The following MGRN1 variants were observed in gnomAD, a reference collection of about 807,000 sequenced individuals.
MGRN1 encodes the protein E3 ubiquitin-protein ligase MGRN1.
A neutral mutation model predicts 69.2 loss-of-function variants in MGRN1; 29 were observed. The observed-to-expected ratio is 0.42, with a 90% CI of 0.31 to 0.57. The LOEUF (loss-of-function observed/expected upper bound fraction) is 0.57. Among genes scored for constraint, MGRN1 ranks in the 20% least tolerant of loss-of-function variants. The probability of loss-of-function intolerance (pLI) is 0.15; values close to 1 mark genes in which losing one functional copy is unlikely to be tolerated. For synonymous variants in MGRN1, 470 were observed against 344.2 expected (o/e 1.37, Z -4.04); for missense variants, 998 against 796.2 (o/e 1.25, Z -3.05).
At chr16:4,660,658 C>T (rs1316087853) in intron 5 of MGRN1, among the ~76,000 whole-genome samples, 2 of 152,236 alleles carry the variant, frequency 1.3e-5, no homozygotes, top group East Asian at 1.9e-4. Context: ...TTGGCTCCAT[C>T]ACCTAAAGGA....
intron 1 of MGRN1, among the ~76,000 whole-genome samples, chr16:4,628,095 AAAG>A (rs1897785799): frequency 1.4e-5 from 2 of 144,188 alleles, no homozygotes; most frequent in South Asian, 2.2e-4. Context: ...AAAAAAAAAA[AAAG>A]AATTGTGGGT....
chr16:4,677,836 C>CT (rs747139466), intron 11 of MGRN1, among the ~76,000 whole-genome samples: 7,874 of 111,888 alleles, frequency 0.07, 396 homozygotes, highest in Admixed American at 0.14. Context: ...GAGCCAGGTG[C>CT]TTTTTTTTTT....
chr16:4,669,430 T>TAAAAAAAAAAAA (rs1596304464), intron 8 of MGRN1, among the ~76,000 whole-genome samples: 4 of 44,682 alleles, frequency 9.0e-5, no homozygotes, highest in African/African-American at 1.7e-4. Context: ...GAAGACTGTG[T>TAAAAAAAAAAAA]CAAAAAAAAA....
intron 1 of MGRN1, among the ~76,000 whole-genome samples, chr16:4,648,170 G>A (rs911595746): frequency 1.3e-5 from 2 of 152,198 alleles, no homozygotes; most frequent in Admixed American, 1.3e-4. Context: ...TGAGGTTGAG[G>A]ACCATGTATT....
chr16:4,671,408 C>T lies in MGRN1; in HGVS notation c.744C>T (p.Tyr248=), dbSNP rs1346614672. Residue 248 remains tyrosine (Y), a synonymous_variant, in exon 9 of 17, where the codon TAC becomes TAT. Coordinates refer to ENST00000262370, the MANE Select transcript of MGRN1 (RefSeq NM_015246.4). ...CTCTCCAGGTGGACCGGGTCAGCTACCTCCTGCAGGAGATCTATGGCATTG... is the reference window on the plus strand; with the variant it reads ...CTCTCCAGGTGGACCGGGTCAGCTATCTCCTGCAGGAGATCTATGGCATTG... ...KQKQIVDRVS[Y]LLQEIYGIEN... 6.2e-7 allele frequency: 1 copy of T among 1,614,058 alleles called. No individual in the cohort carries two copies. Among genetic ancestry groups the T allele is most frequent in the East Asian group, 2.2e-5 (1 of 44,872 alleles).
At position 4,657,444 on chromosome 16, in the gene MGRN1, C is replaced by T. The variant is rs1051291022; in HGVS notation, c.561+81C>T. 4.4e-6 allele frequency: 6 copies of T among 1,360,606 alleles called. No homozygotes were observed. In the Admixed American group the frequency reaches 8.5e-5, roughly 19 times the overall value. 84.3% of individuals were successfully genotyped at this position (1,360,606 alleles called of 1,614,324 possible). ...GGGGGTGGGGCCAGCACAGTGGGGT[C>T]TGTGTGTTTGGCTTCCTCCAGGGTT... On this transcript the variant is annotated intron_variant, in intron 5 of 16. Transcript: ENST00000262370.
At position 4,677,466 on chromosome 16, in the gene MGRN1, T is replaced by C; in HGVS notation, c.959T>C (p.Phe320Ser). The C allele has an allele frequency of 6.4e-7, 1 of 1,554,808 alleles. No individual in the cohort carries two copies. Among genetic ancestry groups the C allele is most frequent in the Non-Finnish European group, 8.7e-7 (1 of 1,153,326 alleles). The change falls in exon 11 of 17, where the codon TTC becomes TCC. Residue 320 changes from phenylalanine to serine, a missense_variant. Phe to Ser is a radical substitution (Grantham distance 155). Coordinates refer to ENST00000262370, the MANE Select transcript of MGRN1 (RefSeq NM_015246.4). Reference protein sequence around the residue: ...ANNCPICRLPFRALLQIRAVR... With the variant: ...ANNCPICRLPSRALLQIRAVR... Reference sequence around the variant, plus strand: ...CTGAGCCCTCCTTCTGCCGCAGCTTTCCGGGCCCTCCTGCAGATCCGGGCG... The same window carrying C: ...CTGAGCCCTCCTTCTGCCGCAGCTTCCCGGGCCCTCCTGCAGATCCGGGCG...
At chr16:4,661,328 G>A (rs2078675821) in intron 5 of MGRN1, among the ~76,000 whole-genome samples, 1 of 152,188 alleles carries the variant, frequency 6.6e-6, no homozygotes, top group South Asian at 2.1e-4. Context: ...CAAAGCCGTG[G>A]CCCAGGATTG....
chr16:4,637,804 G>A (rs951035681), intron 1 of MGRN1, among the ~76,000 whole-genome samples: 1 of 152,236 alleles, frequency 6.6e-6, no homozygotes, highest in African/African-American at 2.4e-5. Context: ...GGGAGAATTC[G>A]GATGGCCCAG....
At chr16:4,641,328 G>T (rs923864613) in intron 1 of MGRN1, among the ~76,000 whole-genome samples, 1 of 151,722 alleles carries the variant, frequency 6.6e-6, no homozygotes, top group Non-Finnish European at 1.5e-5. Context: ...GGATACCCAT[G>T]TGTGAGCAAT....
In MGRN1 at chr16:4,625,169, C is replaced by A; in HGVS notation, c.88+121C>A. 1.1e-5 allele frequency: 10 copies of A among 950,136 alleles called. 1 individual carries two copies. The highest frequency in any genetic ancestry group is 8.6e-6 in the Non-Finnish European group (6 of 695,396). 58.9% of individuals were successfully genotyped at this position (950,136 alleles called of 1,614,324 possible). ...CGGCCCCCTCCGGGCCTCGTTGCTACCCCGAGCCTTCGCGCGGCCCCACGG... is the reference window on the plus strand; with the variant it reads ...CGGCCCCCTCCGGGCCTCGTTGCTAACCCGAGCCTTCGCGCGGCCCCACGG... On this transcript the variant is annotated intron_variant, in intron 1 of 16. Coordinates refer to ENST00000262370, the MANE Select transcript of MGRN1 (RefSeq NM_015246.4).
intron 1 of MGRN1, among the ~76,000 whole-genome samples, chr16:4,648,405 C>T (rs1220527998): frequency 2.3e-5 from 3 of 130,170 alleles, no homozygotes; most frequent in Non-Finnish European, 4.8e-5. Context: ...CACCCGGGTC[C>T]TCCTCCCGGG....
chr16:4,625,431 T>A (rs1377178523), intron 1 of MGRN1, among the ~76,000 whole-genome samples: 1 of 152,212 alleles, frequency 6.6e-6, no homozygotes, highest in Non-Finnish European at 1.5e-5. Context: ...CAGATTGACC[T>A]CACCGCGGGG....
intron 1 of MGRN1, among the ~76,000 whole-genome samples, chr16:4,631,661 G>A (rs567792977): frequency 6.6e-6 from 1 of 152,310 alleles, no homozygotes; most frequent in African/African-American, 2.4e-5. Flanking sequence ...AAATCAGGTA[G>A]CATAAGTTCT....
chr16:4,666,687 C>G (rs568426704), intron 7 of MGRN1, among the ~76,000 whole-genome samples: 1 of 152,234 alleles, frequency 6.6e-6, no homozygotes, highest in African/African-American at 2.4e-5. Context: ...ACCCCCAGTC[C>G]TGCTGCTCCT....
intron 7 of MGRN1, among the ~76,000 whole-genome samples, chr16:4,667,739 C>T (rs1567215105): frequency 2.0e-5 from 3 of 152,170 alleles, no homozygotes; most frequent in African/African-American, 7.2e-5. Context: ...GGTGTGTTTC[C>T]CTGGATACCG....
intron 16 of MGRN1, chr16:4,686,565 C>T (rs1327035582): frequency 1.1e-5 from 14 of 1,326,064 alleles, no homozygotes; most frequent in Non-Finnish European, 1.2e-5. Flanking sequence ...GGCTCTTCTT[C>T]CAGCCTTGAG....
chr16:4,681,226 C>A (rs2079175243), intron 12 of MGRN1: 1 of 377,832 alleles, frequency 2.6e-6, no homozygotes. Flanking sequence ...CTGTCACTAA[C>A]CCTTCACTCT....
At chr16:4,661,100 C>T (rs935210699) in intron 5 of MGRN1, among the ~76,000 whole-genome samples, 2 of 152,052 alleles carry the variant, frequency 1.3e-5, no homozygotes, top group Admixed American at 1.3e-4. Flanking sequence ...CTCACCTCAA[C>T]TTTCACAGTA....
Sources: allele counts gnomAD v4.1 joint callset (sites outside exome capture counted in the v4.1 genomes callset), GRCh38; gene constraint gnomAD v4.1.1; transcripts MANE v1.5; gene names NCBI Gene and HGNC (gene_info 2026-07-23, HGNC 2026-07-21).